ANTXR2: variants seen among roughly 807,000 people sequenced by gnomAD.
The protein encoded by ANTXR2 is ANTXR cell adhesion molecule 2.
A neutral mutation model predicts 73.7 loss-of-function variants in ANTXR2; 44 were observed. That is an observed-to-expected ratio of 0.60 (90% CI 0.47 to 0.77). The LOEUF is 0.77. Among genes scored for constraint, ANTXR2 ranks in the 30% least tolerant of loss-of-function variants. The pLI, the probability that ANTXR2 is intolerant of heterozygous loss-of-function variation, is 0.00. For synonymous variants in ANTXR2, 217 were observed against 205.9 expected, an observed-to-expected ratio of 1.05 and a Z score of -0.46; for missense variants, 604 against 592.5, an observed-to-expected ratio of 1.02 and a Z score of -0.20.
chr4:80,054,195 G>C, intron 7 of ANTXR2, 77 bp downstream of exon 7: 1 of 1,144,918 alleles, frequency 8.7e-7, no homozygotes, highest in Non-Finnish European at 1.3e-6. Context: ...ACCTGCACTG[G>C]ATATTAAGAT....
intron 14 of ANTXR2, among the ~76,000 whole-genome samples, chr4:79,982,446 G>C (rs534801070): frequency 6.6e-6 from 1 of 152,012 alleles, no homozygotes; most frequent in Admixed American, 6.6e-5. Context: ...GTTACAGATC[G>C]TATTTGGATA....
At chr4:80,060,729 T>A (rs1205266630) in intron 3 of ANTXR2, among the ~76,000 whole-genome samples, 1 of 152,184 alleles carries the variant, frequency 6.6e-6, no homozygotes, top group Non-Finnish European at 1.5e-5. Flanking sequence ...CATAGGTATG[T>A]ATGTATAGAA....
intron 10 of ANTXR2, among the ~76,000 whole-genome samples, chr4:80,029,178 C>T (rs983775896): frequency 5.9e-5 from 9 of 152,074 alleles, no homozygotes; most frequent in African/African-American, 1.7e-4. Context: ...TCACTAGCCC[C>T]GATGGTATTC....
intron 12 of ANTXR2, among the ~76,000 whole-genome samples, chr4:79,999,689 G>A (rs1290419771): frequency 6.6e-6 from 1 of 151,982 alleles, no homozygotes; most frequent in African/African-American, 2.4e-5. Flanking sequence ...TAAGTAATAA[G>A]CTCTTGTAAT....
chr4:80,030,303 G>A lies in ANTXR2; in HGVS notation c.866+1320C>T, dbSNP rs1477106343. Among the ~76,000 whole-genome samples, 3 of 152,096 alleles carry A rather than the reference G, an allele frequency of 2.0e-5. No individual in the cohort carries two copies. The East Asian group carries it at 5.8e-4, about 29-fold the overall frequency. ...AATGGAAAATACAGTTTGGGAGATA[G>A]ATTGGGGGAATATTCAGGAGGACCA... On this transcript the variant is annotated intron_variant, in intron 10 of 16. Transcript: ENST00000403729.
chr4:79,978,133 C>A lies in ANTXR2; in HGVS notation c.1221G>T (p.Arg407Ser). The part of the protein sequence containing the change: ...GDKGSTEEGA[R>S]LEKAKNAVVK... ...CCACAGCATTTTTGGCTTTCTCTAG[C>A]CTTGCACCTTCCTCAGTAGATCCTT... The change falls in exon 15 of 17, where the codon AGG becomes AGT. Residue 407 changes from arginine (R) to serine (S), a missense_variant. By Grantham distance (110) the Arg-to-Ser change is moderately radical. Coordinates refer to ENST00000403729, the MANE Select transcript of ANTXR2 (RefSeq NM_058172.6). 1 of 1,613,884 alleles carries A rather than the reference C, an allele frequency of 6.2e-7. No homozygotes were observed. The highest frequency in any genetic ancestry group is 8.5e-7 in the Non-Finnish European group (1 of 1,179,876).
chr4:80,006,854 A>G (rs556432320), intron 12 of ANTXR2, among the ~76,000 whole-genome samples: 1 of 151,590 alleles, frequency 6.6e-6, no homozygotes, highest in Non-Finnish European at 1.5e-5. Context: ...GTGATAATTT[A>G]AAAAAAGGAG....
At chr4:79,920,311 T>C (rs1199031875) in intron 16 of ANTXR2, among the ~76,000 whole-genome samples, 2 of 152,106 alleles carry the variant, frequency 1.3e-5, no homozygotes, top group Non-Finnish European at 2.9e-5. Flanking sequence ...CAAAGACGAA[T>C]GGCTTCTTGT....
chr4:80,020,965 G>A (rs749667652), intron 10 of ANTXR2, among the ~76,000 whole-genome samples: 5 of 151,662 alleles, frequency 3.3e-5, no homozygotes, highest in African/African-American at 4.8e-5. Flanking sequence ...TGGCTAACAC[G>A]GTGAAACCCC....
chr4:80,051,593 G>A (rs1733775511), intron 7 of ANTXR2, among the ~76,000 whole-genome samples: 1 of 151,544 alleles, frequency 6.6e-6, no homozygotes, highest in Non-Finnish European at 1.5e-5. Context: ...ATGTTTGCCT[G>A]GATAGAAATC....
chr4:80,041,956 T>C (rs1021327425), intron 7 of ANTXR2, among the ~76,000 whole-genome samples: 1 of 152,128 alleles, frequency 6.6e-6, no homozygotes, highest in African/African-American at 2.4e-5. Context: ...TGTAATAGAA[T>C]GTATGTTTGT....
intron 16 of ANTXR2, among the ~76,000 whole-genome samples, chr4:79,949,766 T>C (rs776275695): frequency 3.3e-5 from 5 of 152,186 alleles, no homozygotes; most frequent in Non-Finnish European, 2.9e-5. Context: ...GTAGAAGGTA[T>C]GGAATAAATT....
intron 16 of ANTXR2, among the ~76,000 whole-genome samples, chr4:79,912,726 A>G (rs1451430644): frequency 6.6e-6 from 1 of 152,062 alleles, no homozygotes; most frequent in Admixed American, 6.6e-5. Context: ...TTACTATAGG[A>G]TTTTTATAGT....
rs145690752 is a variant in ANTXR2 at position 79,932,266 on chromosome 4, GAT to G, written c.1429-24801_1429-24800del. 2.5e-4 allele frequency among the ~76,000 whole-genome samples: 38 copies of G among 151,526 alleles called. 1 individual carries two copies. The East Asian group carries it at 3.5e-3, about 14-fold the overall frequency. ...ACATTTGAATTTATTGTATACTGTT[GAT>G]ATGTTATCCTGAAGATTATATTTTC... On this transcript the variant is annotated intron_variant, in intron 16 of 16. Transcript: ENST00000403729.
At chr4:79,998,690 C>T (rs1024614654) in intron 12 of ANTXR2, among the ~76,000 whole-genome samples, 7 of 152,030 alleles carry the variant, frequency 4.6e-5, no homozygotes, top group South Asian at 2.1e-4. Flanking sequence ...ATGCTGATGA[C>T]GGCTTTGTTA....
intron 16 of ANTXR2, among the ~76,000 whole-genome samples, chr4:79,909,103 A>T (rs1727028332): frequency 6.6e-6 from 1 of 152,194 alleles, no homozygotes; most frequent in Non-Finnish European, 1.5e-5. Context: ...AGTGATCAAC[A>T]TTTAAAATAT....
intron 12 of ANTXR2, among the ~76,000 whole-genome samples, chr4:79,997,587 T>C (rs752650516): frequency 2.6e-5 from 4 of 151,940 alleles, no homozygotes; most frequent in Non-Finnish European, 4.4e-5. Context: ...CTTCAACATC[T>C]AGCCTTCAAC....
chr4:79,921,757 TTG>T (rs772386703), intron 16 of ANTXR2, among the ~76,000 whole-genome samples: 22,193 of 151,946 alleles, frequency 0.15, 2,831 homozygotes, highest in African/African-American at 0.35. Context: ...TGTTTGTTGG[TTG>T]GTTGGTTGGT....
intron 7 of ANTXR2, among the ~76,000 whole-genome samples, chr4:80,047,155 A>G (rs1269869531): frequency 6.6e-6 from 1 of 151,768 alleles, no homozygotes; most frequent in Non-Finnish European, 1.5e-5. Context: ...GTACTTATTT[A>G]TTCAAAGTGG....
Sources: allele counts gnomAD v4.1 joint callset (sites outside exome capture counted in the v4.1 genomes callset), GRCh38; gene constraint gnomAD v4.1.1; transcripts MANE v1.5; gene names NCBI Gene and HGNC (gene_info 2026-07-23, HGNC 2026-07-21).